RIPOR3: variants seen among roughly 807,000 people sequenced by gnomAD.
RIPOR3 encodes the protein RIPOR family member 3, also known as family with sequence similarity 65 member C.
Under a neutral mutation model 114.3 loss-of-function variants are expected in RIPOR3, and 95 were observed. The ratio of observed to expected loss-of-function variants is 0.83; its 90% confidence interval spans 0.70 to 0.99. The LOEUF is 0.99. Among genes scored for constraint, RIPOR3 ranks in the 50% least tolerant of loss-of-function variants. RIPOR3 has a pLI of 0.00. For synonymous variants in RIPOR3, 575 were observed against 543.8 expected, an observed-to-expected ratio of 1.06 and a Z score of -0.80; for missense variants, 1,252 against 1,266.9, an observed-to-expected ratio of 0.99 and a Z score of 0.18.
At chr20:50,589,313 T>G (rs2083035493) in intron 20 of RIPOR3, among the ~76,000 whole-genome samples, 1 of 151,406 alleles carries the variant, frequency 6.6e-6, no homozygotes, top group African/African-American at 2.4e-5. Context: ...GTAACTTTTT[T>G]TTTTTTTTTT....
intron 1 of RIPOR3, among the ~76,000 whole-genome samples, chr20:50,658,350 A>T (rs1315287510): frequency 1.3e-5 from 2 of 152,212 alleles, no homozygotes; most frequent in Non-Finnish European, 2.9e-5. Flanking sequence ...CCATCACACA[A>T]GGACAAGTGA....
chr20:50,656,562 T>G (rs988468617), intron 1 of RIPOR3, among the ~76,000 whole-genome samples: 1 of 152,128 alleles, frequency 6.6e-6, no homozygotes, highest in Non-Finnish European at 1.5e-5. Context: ...AGTCTTGCTG[T>G]GTTGCCCAGG....
At chr20:50,624,993 C>A (rs755738635) in intron 2 of RIPOR3, among the ~76,000 whole-genome samples, 1 of 152,078 alleles carries the variant, frequency 6.6e-6, no homozygotes, top group African/African-American at 2.4e-5. Flanking sequence ...AGGTGCCTGG[C>A]GGTGCTGGCC....
intron 1 of RIPOR3, chr20:50,645,708 C>A (rs2085377128): frequency 6.6e-6 from 1 of 152,370 alleles, no homozygotes; most frequent in Non-Finnish European, 1.5e-5. Context: ...CATCCGGAGC[C>A]CAGGACTGCT....
chr20:50,609,815 C>T, intron 6 of RIPOR3, 93 bp from the exon 7 acceptor site: 1 of 1,329,370 alleles, frequency 7.5e-7, no homozygotes, highest in Non-Finnish European at 9.7e-7. Context: ...GAGGCCCTCC[C>T]TGAGCTAAGC....
At chr20:50,679,370 C>G (rs1008548273) in intron 1 of RIPOR3, among the ~76,000 whole-genome samples, 1 of 150,444 alleles carries the variant, frequency 6.6e-6, no homozygotes, top group South Asian at 2.1e-4. Context: ...GGGCCGGGCA[C>G]GGTGGCTCAC....
Position 50,596,297 on chromosome 20 carries a change from G to A in RIPOR3, c.1791-34C>T, listed in dbSNP as rs761546880. 22 of 1,613,550 alleles carry A rather than the reference G, an allele frequency of 1.4e-5. No homozygotes were observed. The Admixed American group carries it at 2.8e-4, about 21-fold the overall frequency. On this transcript the variant is annotated intron_variant, in intron 14 of 21. Transcript: ENST00000327979. ...AATTGAGAACTGGGTGACCATTCCA[G>A]TTAGCAGTTCAGCTCCCTCTGAGGG...
At chr20:50,588,708 A>G (rs1305254061) in intron 20 of RIPOR3, among the ~76,000 whole-genome samples, 2 of 148,230 alleles carry the variant, frequency 1.3e-5, no homozygotes, top group Admixed American at 1.3e-4. Flanking sequence ...GGTTAAATTA[A>G]GGTATACACT....
intron 2 of RIPOR3, among the ~76,000 whole-genome samples, chr20:50,623,739 G>A (rs6091186): frequency 0.072 from 10,897 of 152,232 alleles, 884 homozygotes; most frequent in African/African-American, 0.2. Flanking sequence ...GTGAGAACAC[G>A]TGAGCCTAAG....
intron 1 of RIPOR3, among the ~76,000 whole-genome samples, chr20:50,690,292 T>C (rs535277062): frequency 6.6e-6 from 1 of 152,290 alleles, no homozygotes; most frequent in Admixed American, 6.5e-5. Flanking sequence ...CCCAGCTCTC[T>C]CCACCTCTGA....
At chr20:50,616,112 G>C in intron 3 of RIPOR3, 32 bp from the exon 4 acceptor site, 2 of 1,592,712 alleles carry the variant, frequency 1.3e-6, no homozygotes, top group Non-Finnish European at 1.7e-6. Context: ...GTTTCAAATG[G>C]AAGAGGAAGA....
chr20:50,644,174 A>G (rs1449437025), intron 1 of RIPOR3, among the ~76,000 whole-genome samples: 1 of 151,592 alleles, frequency 6.6e-6, no homozygotes, highest in Non-Finnish European at 1.5e-5. Context: ...TTGTCACTAT[A>G]TTGCCCAGGC....
chr20:50,640,492 T>C (rs1487608278), intron 1 of RIPOR3, among the ~76,000 whole-genome samples: 1 of 148,878 alleles, frequency 6.7e-6, no homozygotes, highest in South Asian at 2.1e-4. Context: ...ACACACGCAC[T>C]GGTCAGGCTT....
intron 18 of RIPOR3, among the ~76,000 whole-genome samples, chr20:50,592,788 A>G (rs779517326): frequency 5.3e-5 from 8 of 151,998 alleles, no homozygotes; most frequent in Non-Finnish European, 1.0e-4. Flanking sequence ...ACTTCCAGGG[A>G]CTCTGGCCAG....
intron 19 of RIPOR3, among the ~76,000 whole-genome samples, 166 bp downstream of exon 19, chr20:50,592,178 G>A (rs927430625): frequency 1.1e-4 from 16 of 152,200 alleles, no homozygotes. Flanking sequence ...GAAGCAGCAA[G>A]GTGCATTCAT....
intron 1 of RIPOR3, among the ~76,000 whole-genome samples, chr20:50,639,731 G>A (rs231568): frequency 1.2e-4 from 19 of 152,320 alleles, no homozygotes; most frequent in Admixed American, 5.2e-4. Context: ...AAGTGCTTGT[G>A]TATAGGCAGT....
chr20:50,658,980 C>T (rs928980980), intron 1 of RIPOR3, among the ~76,000 whole-genome samples: 2 of 152,140 alleles, frequency 1.3e-5, no homozygotes, highest in South Asian at 2.1e-4. Context: ...CAGTGCCAAA[C>T]GGAACTGTTG....
Position 50,635,537 on chromosome 20 carries a change from G to A in RIPOR3, c.4-4681C>T, listed in dbSNP as rs150447949. Reference sequence around the variant, plus strand: ...GATGTGGTGGCGTGCACCTGTAGTCGAGCTACTGCGGCAGGCTGAGGTGGG... The same window carrying A: ...GATGTGGTGGCGTGCACCTGTAGTCAAGCTACTGCGGCAGGCTGAGGTGGG... On this transcript the variant is annotated intron_variant, in intron 1 of 21. Transcript: ENST00000327979. 5.5e-3 allele frequency among the ~76,000 whole-genome samples: 836 copies of A among 152,130 alleles called. 7 individuals are homozygous for A. The highest frequency in any genetic ancestry group is 0.014 in the Middle Eastern group (4 of 294).
chr20:50,661,224 C>A (rs371046396), intron 1 of RIPOR3, among the ~76,000 whole-genome samples: 1 of 151,232 alleles, frequency 6.6e-6, no homozygotes. Flanking sequence ...GGCAACAGAA[C>A]GAGACTGTCT....
Sources: gnomAD v4.1 joint callset for allele counts (sites outside exome capture counted in the v4.1 genomes callset) on GRCh38, gnomAD v4.1.1 for gene constraint, MANE v1.5 for transcripts, NCBI Gene and HGNC (gene_info 2026-07-23, HGNC 2026-07-21) for gene names.